SLC9A6: variants seen among roughly 807,000 people sequenced by gnomAD.
SLC9A6 encodes the protein sodium/hydrogen exchanger 6.
A neutral mutation model predicts 45.3 loss-of-function variants in SLC9A6; 6 were observed. The ratio of observed to expected loss-of-function variants is 0.13; its 90% CI spans 0.07 to 0.26. The LOEUF (loss-of-function observed/expected upper bound fraction) is 0.26. SLC9A6 is among the 10% of genes least tolerant of loss of function. The probability of loss-of-function intolerance (pLI) is 1.00; values close to 1 mark genes in which losing one functional copy is unlikely to be tolerated. For missense variants in SLC9A6, 278 were observed against 503.7 expected (o/e 0.55, Z 4.29); for synonymous variants, 191 against 187.7 (o/e 1.02, Z -0.14).
Position 136,044,583 on chromosome X carries a change from C to T in SLC9A6, c.1899C>T (p.Asn633=). 8.3e-7 allele frequency: 1 copy of T among 1,209,548 alleles called. No individual in the cohort carries two copies. The highest frequency in any genetic ancestry group is 1.1e-6 in the Non-Finnish European group (1 of 895,066). Residue 633 remains asparagine, a synonymous_variant, in exon 18 of 18, where the codon AAC becomes AAT. Transcript: ENST00000630721. ...TSSAPRRFMG[N]SSEDALDREL... is the part of the protein sequence containing the mutation. ...GCGCCCCAAGGAGATTTATGGGAAACAGTTCTGAAGATGCCTTGGATCGGG... is the reference window on the plus strand; with the variant it reads ...GCGCCCCAAGGAGATTTATGGGAAATAGTTCTGAAGATGCCTTGGATCGGG...
chrX:136,028,169 G>A (rs782329848), intron 13 of SLC9A6, among the ~76,000 whole-genome samples: 1 of 112,311 alleles, frequency 8.9e-6, no homozygotes, highest in African/African-American at 3.2e-5. Context: ...CTGCCACTTA[G>A]TGTTAATGTT....
At chrX:136,038,224 G>A (rs2071444308) in intron 16 of SLC9A6, among the ~76,000 whole-genome samples, 1 of 111,833 alleles carries the variant, frequency 8.9e-6, no homozygotes, top group South Asian at 3.7e-4. Flanking sequence ...CTAGTCTGCT[G>A]AGAGTTTTTA....
intron 15 of SLC9A6, among the ~76,000 whole-genome samples, chrX:136,031,383 G>T (rs2071317005): frequency 8.9e-6 from 1 of 111,794 alleles, no homozygotes; most frequent in Non-Finnish European, 1.9e-5. Context: ...ACAAAGGACC[G>T]TTTTTTTTCC....
At chrX:136,021,986 C>A in intron 11 of SLC9A6, among the ~76,000 whole-genome samples, 1 of 112,009 alleles carries the variant, frequency 8.9e-6, no homozygotes, top group Non-Finnish European at 1.9e-5. Flanking sequence ...CTAGTTAAAA[C>A]CAATCTGAAT....
At chrX:136,000,508 A>G in intron 6 of SLC9A6, among the ~76,000 whole-genome samples, 1 of 111,409 alleles carries the variant, frequency 9.0e-6, no homozygotes, top group Non-Finnish European at 1.9e-5. Flanking sequence ...TTCAAATCCT[A>G]TGAGAAATCT....
intron 7 of SLC9A6, among the ~76,000 whole-genome samples, chrX:136,006,015 C>T (rs2089651846): frequency 8.9e-6 from 1 of 111,734 alleles, no homozygotes; most frequent in South Asian, 3.7e-4. Context: ...GAAGGGAAAG[C>T]AGTTGTGTGC....
At chrX:135,996,798 G>A (rs376718323) in intron 3 of SLC9A6, among the ~76,000 whole-genome samples, 2 of 109,427 alleles carry the variant, frequency 1.8e-5, no homozygotes, top group South Asian at 3.8e-4. Flanking sequence ...ACAGAGTCTC[G>A]CTCTGTCGCC....
chrX:136,010,224 ACC>A, intron 7 of SLC9A6: 7 of 226,113 alleles, frequency 3.1e-5, no homozygotes, highest in East Asian at 1.9e-4. Context: ...ACAATGTTCT[ACC>A]CCCCCCCCGA....
rs150922502 is a variant in SLC9A6, at chrX:136,043,033, A to T, written c.1768-1419A>T. Among the ~76,000 whole-genome samples the T allele has an allele frequency of 1.6e-4, 18 of 112,221 alleles. No homozygotes were observed. In the East Asian group the frequency reaches 5.0e-3, roughly 31 times the overall value. The stretch of plus-strand genomic sequence containing the variant: ...GGGTCAAAAGGCATGTGCATTTTAA[A>T]ATTTGATAGATATTGCCCCAAACCT... On this transcript the variant is annotated intron_variant, in intron 17 of 17. Coordinates refer to ENST00000630721, the MANE Select transcript of SLC9A6 (RefSeq NM_001379110.1).
intron 2 of SLC9A6, among the ~76,000 whole-genome samples, chrX:135,993,729 T>C (rs1229542706): frequency 9.1e-6 from 1 of 110,003 alleles, no homozygotes; most frequent in Non-Finnish European, 1.9e-5. Context: ...AGGCGGAGGT[T>C]GCAGTGAGCC....
chrX:136,008,620 A>G (rs1398417600), intron 7 of SLC9A6, among the ~76,000 whole-genome samples: 1 of 112,428 alleles, frequency 8.9e-6, no homozygotes, highest in African/African-American at 3.2e-5. Flanking sequence ...TTACAGCTAA[A>G]TAAGAATTAG....
At position 136,044,651 on chromosome X, in the gene SLC9A6, G is replaced by T; in HGVS notation, c.1967G>T (p.Arg656Leu). ...GDHELVIRGT[R>L]LVLPMDDSEP... ...CATGAACTGGTCATTCGAGGAACAC[G>T]CCTGGTTCTTCCAATGGATGATTCT... Residue 656 changes from arginine to leucine, a missense_variant, in exon 18 of 18, where the codon CGC (arginine) becomes CTC (leucine). This residue lies in a region of SLC9A6 where 91 missense variants were observed against 125.1 expected (regional missense o/e 0.73). Transcript: ENST00000630721. 2 of 1,209,511 alleles carry T rather than the reference G, an allele frequency of 1.7e-6. No individual in the cohort carries two copies. Among genetic ancestry groups the T allele is most frequent in the Non-Finnish European group, 2.2e-6 (2 of 893,739 alleles).
upstream of SLC9A6, chrX:135,973,967 G>T (rs2148122007): frequency 7.6e-6 from 8 of 1,054,874 alleles, no homozygotes; most frequent in Non-Finnish European, 1.0e-5. Context: ...GGCGAAAGCG[G>T]GAGCTACGGG....
intron 13 of SLC9A6, among the ~76,000 whole-genome samples, chrX:136,027,134 T>C (rs1177011923): frequency 1.8e-5 from 2 of 111,928 alleles, no homozygotes; most frequent in Non-Finnish European, 3.8e-5. Context: ...ATCCATACTT[T>C]AGTGAGAGAA....
intron 1 of SLC9A6, among the ~76,000 whole-genome samples, chrX:135,979,043 T>C (rs1476015878): frequency 9.0e-6 from 1 of 111,043 alleles, no homozygotes; most frequent in East Asian, 2.8e-4. Context: ...CCCCTAGTTT[T>C]AGTCGGTCAG....
chrX:135,974,741 C>G (rs1188185051), exon 1 of SLC9A6: 1 of 338,767 alleles, frequency 3.0e-6, no homozygotes, highest in African/African-American at 2.7e-5. Context: ...TCTGGAACCC[C>G]AAATACTTGG....
At chrX:136,038,349 T>C (rs918877999) in intron 16 of SLC9A6, among the ~76,000 whole-genome samples, 2 of 112,466 alleles carry the variant, frequency 1.8e-5, no homozygotes, top group Non-Finnish European at 3.8e-5. Flanking sequence ...CATTGATTGA[T>C]TGTTTGAATG....
At position 136,043,562 on chromosome X, in the gene SLC9A6, C is replaced by A. The variant is rs1556622981; in HGVS notation, c.1768-890C>A. ...TCCCTCAAGGAGCATCAATGACAGACTGTTTTATGCTAGATCAATGTGAAT... is the reference window on the plus strand; with the variant it reads ...TCCCTCAAGGAGCATCAATGACAGAATGTTTTATGCTAGATCAATGTGAAT... On this transcript the variant is annotated intron_variant, in intron 17 of 17. Coordinates refer to ENST00000630721, the MANE Select transcript of SLC9A6 (RefSeq NM_001379110.1). Among the ~76,000 whole-genome samples the A allele has an allele frequency of 3.6e-5, 4 of 111,892 alleles. No individual in the cohort carries two copies. The Admixed American group carries it at 3.8e-4, about 11-fold the overall frequency.
intron 7 of SLC9A6, chrX:136,010,211 T>G: frequency 2.6e-6 from 1 of 390,064 alleles, no homozygotes; most frequent in Non-Finnish European, 4.5e-6. Flanking sequence ...TATAGAGGAT[T>G]TTACAATGTT....
Sources: gnomAD v4.1 joint callset for allele counts (sites outside exome capture counted in the v4.1 genomes callset) on GRCh38, gnomAD v4.1.1 for gene constraint, gnomAD v4.1.1 regional missense constraint, MANE v1.5 for transcripts, NCBI Gene and HGNC (gene_info 2026-07-23, HGNC 2026-07-21) for gene names.